Variants in OPHN1 observed in about 807,000 individuals in gnomAD.
The protein encoded by OPHN1 is oligophrenin 1.
A neutral mutation model predicts 60.7 loss-of-function variants in OPHN1; 11 were observed. The ratio of observed to expected loss-of-function variants is 0.18; its 90% CI spans 0.11 to 0.30. OPHN1 has a LOEUF of 0.30. Among genes scored for constraint, OPHN1 ranks in the 10% least tolerant of loss-of-function variants. The pLI, the probability that OPHN1 is intolerant of heterozygous loss-of-function variation, is 1.00. For missense variants in OPHN1, 449 were observed against 611.0 expected (o/e 0.73, Z 2.80); for synonymous variants, 226 against 222.6 (o/e 1.02, Z -0.14).
At chrX:68,257,508 G>C (rs1348114274) in intron 5 of OPHN1, among the ~76,000 whole-genome samples, 2 of 111,080 alleles carry the variant, frequency 1.8e-5, no homozygotes, top group Non-Finnish European at 3.8e-5. Flanking sequence ...TGTAAAATGG[G>C]GGATAAAATC....
At chrX:68,296,180 T>C (rs2147623656) in intron 3 of OPHN1, among the ~76,000 whole-genome samples, 1 of 111,389 alleles carries the variant, frequency 9.0e-6, no homozygotes, top group Admixed American at 9.6e-5. Context: ...CAAAATGAGA[T>C]TCAACAAGGA....
At chrX:68,429,192 G>T (rs367938351) in intron 2 of OPHN1, among the ~76,000 whole-genome samples, 28 of 110,455 alleles carry the variant, frequency 2.5e-4, no homozygotes, top group African/African-American at 7.9e-4. Flanking sequence ...GAGGCCAAGG[G>T]GGGGCGGACT....
intron 2 of OPHN1, among the ~76,000 whole-genome samples, chrX:68,362,670 G>A (rs1171189749): frequency 9.0e-6 from 1 of 110,635 alleles, no homozygotes; most frequent in Non-Finnish European, 1.9e-5. Context: ...GGGGTTGGGG[G>A]TGGGGTTTAC....
chrX:68,373,458 C>T (rs1330526883), intron 2 of OPHN1, among the ~76,000 whole-genome samples: 1 of 111,372 alleles, frequency 9.0e-6, no homozygotes, highest in Non-Finnish European at 1.9e-5. Flanking sequence ...TCTGGCTACA[C>T]ACTCTTGCCT....
At chrX:68,083,959 A>AAAGATCACTG (rs1203235190) in intron 19 of OPHN1, among the ~76,000 whole-genome samples, 3 of 110,942 alleles carry the variant, frequency 2.7e-5, no homozygotes, top group African/African-American at 9.9e-5. Context: ...TAGTAACATC[A>AAAGATCACTG]AAGATCACTG....
chrX:68,047,867 G>C (rs5965494), intron 24 of OPHN1, among the ~76,000 whole-genome samples: 2,741 of 112,168 alleles, frequency 0.024, 74 homozygotes, highest in African/African-American at 0.084. Flanking sequence ...GAATGTGAAA[G>C]TGCTTTGCAT....
chrX:68,271,727 G>A (rs73634109), intron 5 of OPHN1, among the ~76,000 whole-genome samples: 9,711 of 110,859 alleles, frequency 0.088, 941 homozygotes, highest in African/African-American at 0.29. Flanking sequence ...TGAGCTCAAC[G>A]GGGCCAGCCT....
At chrX:68,316,402 A>G (rs998122399) in intron 2 of OPHN1, among the ~76,000 whole-genome samples, 1 of 112,112 alleles carries the variant, frequency 8.9e-6, no homozygotes, top group Admixed American at 9.5e-5. Context: ...ACTGATATAG[A>G]CCATTATATT....
chrX:68,070,870 G>A (rs1270940549), intron 20 of OPHN1: 1 of 1,176,650 alleles, frequency 8.5e-7, no homozygotes, highest in East Asian at 3.0e-5. Context: ...AGAAGCCACA[G>A]TGGCTTGGCC....
At chrX:68,230,577 T>A (rs759254144) in intron 6 of OPHN1, among the ~76,000 whole-genome samples, 1 of 110,134 alleles carries the variant, frequency 9.1e-6, no homozygotes, top group South Asian at 4.0e-4. Context: ...TGGAATACTA[T>A]GCAGCTATAA....
chrX:68,169,711 G>A (rs918171138), intron 15 of OPHN1, among the ~76,000 whole-genome samples: 4 of 109,087 alleles, frequency 3.7e-5, no homozygotes, highest in African/African-American at 1.4e-4. Flanking sequence ...ATGGTGCTGG[G>A]AAAACTGGCT....
At chrX:68,102,482 A>T (rs746874159) in intron 18 of OPHN1, among the ~76,000 whole-genome samples, 5 of 111,674 alleles carry the variant, frequency 4.5e-5, no homozygotes, top group Non-Finnish European at 7.5e-5. Flanking sequence ...AGCAAGAGCA[A>T]ACAAACTGAA....
At chrX:68,430,738 C>T (rs1174540394) in intron 2 of OPHN1, among the ~76,000 whole-genome samples, 2 of 110,360 alleles carry the variant, frequency 1.8e-5, no homozygotes, top group African/African-American at 3.3e-5. Context: ...GCAGGAGGAT[C>T]GCTTGAAACC....
intron 19 of OPHN1, 35 bp downstream of exon 19, chrX:68,096,835 T>C (rs1241621121): frequency 8.4e-7 from 1 of 1,196,731 alleles, no homozygotes; most frequent in African/African-American, 1.7e-5. Context: ...TGTCACATGT[T>C]TGGAAGACAG....
intron 12 of OPHN1, among the ~76,000 whole-genome samples, chrX:68,195,416 A>G (rs2077509008): frequency 8.9e-6 from 1 of 112,171 alleles, no homozygotes; most frequent in African/African-American, 3.2e-5. Flanking sequence ...GAGAGACCAG[A>G]AAGAAGACTG....
chrX:68,221,482 G>A (rs746131289), intron 6 of OPHN1, among the ~76,000 whole-genome samples: 15,043 of 75,676 alleles, frequency 0.2, 1,505 homozygotes, highest in African/African-American at 0.32. Context: ...TCAATCCTAA[G>A]CCAAAAGAAC....
rs187207718 is a variant in OPHN1, at chrX:68,099,823, C to G, written c.1527-2794G>C. On this transcript the variant is annotated intron_variant, in intron 18 of 24. Coordinates refer to ENST00000355520, the MANE Select transcript of OPHN1 (RefSeq NM_002547.3). ...GCCAAATCACTTTTTTCCCAAAACA[C>G]TGCAGGACAAATAAAATATATTTCT... 3.0e-4 allele frequency among the ~76,000 whole-genome samples: 33 copies of G among 111,838 alleles called. 1 individual carries two copies. The highest frequency in any genetic ancestry group is 2.8e-3 in the Admixed American group (30 of 10,534).
In OPHN1 at chrX:68,197,219, C is replaced by A. The variant is rs1188867776; in HGVS notation, c.1071G>T (p.Arg357Ser). The change falls in exon 12 of 25, where the codon AGG becomes AGT. Residue 357 changes from arginine (R) to serine (S), a missense_variant. Arg to Ser is a moderately radical substitution (Grantham distance 110, BLOSUM62 -1). Coordinates refer to ENST00000355520, the MANE Select transcript of OPHN1 (RefSeq NM_002547.3). ...TLQALSEANRRLWMEAMDGKE... is the reference protein window; with the variant it reads ...TLQALSEANRSLWMEAMDGKE... ...TCCCATCCATGGCTTCCATCCATAGCCTTCTGTTAGCTTCTGAAAGGGCCT... is the reference window on the plus strand; with the variant it reads ...TCCCATCCATGGCTTCCATCCATAGACTTCTGTTAGCTTCTGAAAGGGCCT... 1.7e-6 allele frequency: 2 copies of A among 1,210,271 alleles called. No homozygotes were observed. Among genetic ancestry groups the A allele is most frequent in the East Asian group, 3.0e-5 (1 of 33,807 alleles).
rs1032161509 is a variant in OPHN1, at chrX:68,156,014, C to T, written c.1277-36682G>A. Among the ~76,000 whole-genome samples, 10 of 110,879 alleles carry T rather than the reference C, an allele frequency of 9.0e-5. No homozygotes were observed. In the East Asian group the frequency reaches 2.8e-3, roughly 31 times the overall value. On this transcript the variant is annotated intron_variant, in intron 15 of 24. Coordinates refer to ENST00000355520, the MANE Select transcript of OPHN1 (RefSeq NM_002547.3). ...ATATGTCTAAAATAGCAATGGCATG[C>T]CAAATACAGAGAAAATGTGTCAGCA...
Sources: gnomAD v4.1 joint callset for allele counts (sites outside exome capture counted in the v4.1 genomes callset) on GRCh38, gnomAD v4.1.1 for gene constraint, MANE v1.5 for transcripts, NCBI Gene and HGNC (gene_info 2026-07-23, HGNC 2026-07-21) for gene names.